Variants in DACH1 observed in about 807,000 individuals in gnomAD.
DACH1 encodes dachshund homolog 1.
In DACH1, 12 loss-of-function variants were observed where a neutral mutation model predicts 54.2. That is an observed-to-expected ratio of 0.22 (90% confidence interval 0.14 to 0.36). DACH1 has a LOEUF of 0.36. Among genes scored for constraint, DACH1 ranks in the 10% least tolerant of loss-of-function variants. The pLI, the probability that DACH1 is intolerant of heterozygous loss-of-function variation, is 1.00. For missense variants in DACH1, 805 were observed against 929.8 expected (o/e 0.87, Z 1.75); for synonymous variants, 386 against 366.2 (o/e 1.05, Z -0.62).
chr13:71,639,358 C>T (rs377395592), intron 2 of DACH1, among the ~76,000 whole-genome samples: 216 of 152,122 alleles, frequency 1.4e-3, no homozygotes, highest in African/African-American at 4.8e-3. Context: ...TCTTAATGTC[C>T]ATTAGACTGA....
intron 3 of DACH1, among the ~76,000 whole-genome samples, chr13:71,601,087 T>A (rs1372887908): frequency 6.6e-6 from 1 of 152,074 alleles, no homozygotes; most frequent in East Asian, 1.9e-4. Context: ...TTATTCTCTA[T>A]CTATCTAACA....
intron 1 of DACH1, among the ~76,000 whole-genome samples, chr13:71,844,244 A>G (rs1368712756): frequency 2.6e-5 from 4 of 152,206 alleles, no homozygotes; most frequent in African/African-American, 9.6e-5. Context: ...GAATTTACTT[A>G]GTTTCACAAA....
In DACH1 at chr13:71,447,660, G is replaced by A. The variant is rs959673410; in HGVS notation, c.2084-6968C>T. ...CATCCTGCCATCATGGTGAAACCCC[G>A]ACTCTACTAAAAATACAAAAAAATT... On this transcript the variant is annotated intron_variant, in intron 10 of 10. Coordinates refer to ENST00000613252, the MANE Select transcript of DACH1 (RefSeq NM_080759.6). Among the ~76,000 whole-genome samples the A allele has an allele frequency of 2.6e-5, 4 of 151,606 alleles. No homozygotes were observed. In the East Asian group the frequency reaches 5.9e-4, roughly 22 times the overall value.
At chr13:71,802,530 A>C (rs1356553804) in intron 1 of DACH1, among the ~76,000 whole-genome samples, 1 of 152,042 alleles carries the variant, frequency 6.6e-6, no homozygotes, top group Non-Finnish European at 1.5e-5. Flanking sequence ...AACAGAGAGC[A>C]ACCAGAAAAT....
At chr13:71,701,450 C>A (rs1185391725) in intron 1 of DACH1, among the ~76,000 whole-genome samples, 2 of 152,002 alleles carry the variant, frequency 1.3e-5, no homozygotes, top group Non-Finnish European at 2.9e-5. Context: ...ATCTCTGTAT[C>A]TTCTTACAAA....
intron 1 of DACH1, among the ~76,000 whole-genome samples, chr13:71,809,506 TGAAA>T (rs1020682176): frequency 3.3e-5 from 5 of 152,164 alleles, no homozygotes; most frequent in Admixed American, 6.5e-5. Context: ...TGTGCACTTT[TGAAA>T]TTAAGTTGAA....
At chr13:71,476,820 C>A (rs1016721540) in intron 8 of DACH1, among the ~76,000 whole-genome samples, 2 of 151,646 alleles carry the variant, frequency 1.3e-5, no homozygotes, top group African/African-American at 4.8e-5. Flanking sequence ...AACTACTCAG[C>A]ATATGGGAAT....
intron 6 of DACH1, among the ~76,000 whole-genome samples, chr13:71,510,105 C>T (rs945154913): frequency 2.1e-4 from 32 of 152,042 alleles, no homozygotes; most frequent in Admixed American, 2.1e-3. Context: ...CTTAACTTGG[C>T]TTCCAGGACA....
chr13:71,483,430 T>C (rs886960572), intron 7 of DACH1, among the ~76,000 whole-genome samples: 38 of 147,056 alleles, frequency 2.6e-4, no homozygotes, highest in African/African-American at 9.1e-4. Context: ...AAAATTATTA[T>C]ATTTATATAA....
rs544464488 is a variant in DACH1, at chr13:71,757,178, T to C, written c.849-75268A>G. 2.6e-5 allele frequency among the ~76,000 whole-genome samples: 4 copies of C among 152,332 alleles called. No homozygotes were observed. The East Asian group carries it at 7.7e-4, about 29-fold the overall frequency. On this transcript the variant is annotated intron_variant, in intron 1 of 10. Coordinates refer to ENST00000613252, the MANE Select transcript of DACH1 (RefSeq NM_080759.6). Reference sequence around the variant, plus strand: ...ATGCCTCAGTAACTCATAATAAACATGCATTCAATTAAATGTTAAAATATC... The same window carrying C: ...ATGCCTCAGTAACTCATAATAAACACGCATTCAATTAAATGTTAAAATATC...
At chr13:71,840,443 C>T (rs938395183) in intron 1 of DACH1, among the ~76,000 whole-genome samples, 2 of 152,096 alleles carry the variant, frequency 1.3e-5, no homozygotes, top group African/African-American at 4.8e-5. Context: ...TCACAGAGGG[C>T]CCTTCTTGAG....
intron 2 of DACH1, among the ~76,000 whole-genome samples, chr13:71,639,232 T>A (rs1877717569): frequency 6.6e-6 from 1 of 152,150 alleles, no homozygotes. Context: ...AAAATTGTGA[T>A]TGAAACATGC....
intron 6 of DACH1, among the ~76,000 whole-genome samples, chr13:71,543,696 G>A (rs1218518136): frequency 6.6e-6 from 1 of 151,934 alleles, no homozygotes. Flanking sequence ...GATATAAGGG[G>A]GACAATACTG....
At chr13:71,734,132 TACCCC>T (rs1883881617) in intron 1 of DACH1, among the ~76,000 whole-genome samples, 1 of 149,532 alleles carries the variant, frequency 6.7e-6, no homozygotes, top group African/African-American at 2.5e-5. Context: ...GATACATATA[TACCCC>T]ATATATATGT....
chr13:71,838,009 A>G (rs187164455), intron 1 of DACH1, among the ~76,000 whole-genome samples: 2 of 42,052 alleles, frequency 4.8e-5, no homozygotes, highest in Middle Eastern at 0.013. Context: ...TGTGGTGGGG[A>G]GGGGGGAGGG....
intron 4 of DACH1, among the ~76,000 whole-genome samples, chr13:71,561,336 G>C (rs1884569111): frequency 6.6e-6 from 1 of 152,178 alleles, no homozygotes; most frequent in African/African-American, 2.4e-5. Flanking sequence ...CTTGAAAACT[G>C]AGTCTTTGCA....
chr13:71,794,292 C>T (rs1886952537), intron 1 of DACH1, among the ~76,000 whole-genome samples: 1 of 152,154 alleles, frequency 6.6e-6, no homozygotes, highest in African/African-American at 2.4e-5. Context: ...TAGTTATTCA[C>T]AATTCAACAC....
chr13:71,851,576 T>C (rs982232719), intron 1 of DACH1, among the ~76,000 whole-genome samples: 10 of 152,100 alleles, frequency 6.6e-5, no homozygotes, highest in Non-Finnish European at 1.3e-4. Context: ...GTGGCCTTCT[T>C]GTTGTTGAAA....
At chr13:71,557,509 G>T (rs1010218223) in intron 5 of DACH1, among the ~76,000 whole-genome samples, 1 of 152,012 alleles carries the variant, frequency 6.6e-6, no homozygotes, top group Non-Finnish European at 1.5e-5. Context: ...AGGATCAAGG[G>T]ATAATTCTAA....
Sources: gnomAD v4.1 joint callset for allele counts (sites outside exome capture counted in the v4.1 genomes callset) on GRCh38, gnomAD v4.1.1 for gene constraint, MANE v1.5 for transcripts, NCBI Gene and HGNC (gene_info 2026-07-23, HGNC 2026-07-21) for gene names.